Variants in CYP51A1 observed in about 807,000 individuals in gnomAD.
CYP51A1 encodes the protein cytochrome P450 family 51 subfamily A member 1.
A neutral mutation model predicts 53.5 loss-of-function variants in CYP51A1; 45 were observed. The ratio of observed to expected loss-of-function variants is 0.84; its 90% CI spans 0.66 to 1.08. The LOEUF is 1.08. CYP51A1 is among the 50% of genes least tolerant of loss of function. CYP51A1 has a pLI of 0.00. For synonymous variants in CYP51A1, 181 were observed against 217.7 expected (o/e 0.83, Z 1.48); for missense variants, 462 against 621.7 (o/e 0.74, Z 2.73).
At chr7:92,121,693 G>C (rs1819696667) in intron 7 of CYP51A1, among the ~76,000 whole-genome samples, 1 of 152,168 alleles carries the variant, frequency 6.6e-6, no homozygotes, top group Non-Finnish European at 1.5e-5. Context: ...CTGATAACAT[G>C]CTAAGTGAAA....
intron 3 of CYP51A1, among the ~76,000 whole-genome samples, chr7:92,128,528 G>A (rs1337053053): frequency 1.3e-5 from 2 of 151,680 alleles, no homozygotes; most frequent in Non-Finnish European, 2.9e-5. Flanking sequence ...CTGTTGCCAA[G>A]GCTAAAGTGC....
intron 6 of CYP51A1, 63 bp from the exon 7 acceptor site, chr7:92,123,378 T>C: frequency 1.6e-6 from 2 of 1,287,160 alleles, no homozygotes; most frequent in Middle Eastern, 3.8e-4. Flanking sequence ...GCCTCAACCT[T>C]TAAATAAAGT....
chr7:92,126,150 G>T (rs1819795640), intron 5 of CYP51A1, 103 bp downstream of exon 5: 1 of 775,536 alleles, frequency 1.3e-6, no homozygotes. Flanking sequence ...CATTTTGTAT[G>T]TTTTACTTGT....
chr7:92,127,756 T>C, intron 3 of CYP51A1, 125 bp from the exon 4 acceptor site: 1 of 946,120 alleles, frequency 1.1e-6, no homozygotes, highest in South Asian at 1.6e-5. Flanking sequence ...TTTGGGCATT[T>C]ACATTTTAAG....
intron 4 of CYP51A1, 77 bp downstream of exon 4, chr7:92,127,428 C>T (rs1819821697): frequency 7.4e-7 from 1 of 1,356,658 alleles, no homozygotes; most frequent in Non-Finnish European, 1.0e-6. Flanking sequence ...TTTTTATATA[C>T]TACACACATA....
In CYP51A1 at chr7:92,123,742, A is replaced by G. The variant is rs1166704169; in HGVS notation, c.882T>C (p.Ala294=). 6 of 1,607,056 alleles carry G rather than the reference A, an allele frequency of 3.7e-6. No homozygotes were observed. The highest frequency in any genetic ancestry group is 2.2e-5 in the South Asian group (2 of 90,006). The change falls in exon 6 of 10, where the codon GCT becomes GCC. Residue 294 remains alanine, a synonymous_variant. Coordinates refer to ENST00000003100, the MANE Select transcript of CYP51A1 (RefSeq NM_000786.4). The part of the protein sequence containing the change: ...IDDILQTLLD[A]TYKDGRPLTD... ...ATCTGAATAGCTCTTACTTGTATGTAGCATCTAGTAAAGTTTGGAGAATGT... is the reference window on the plus strand; with the variant it reads ...ATCTGAATAGCTCTTACTTGTATGTGGCATCTAGTAAAGTTTGGAGAATGT...
intron 8 of CYP51A1, among the ~76,000 whole-genome samples, chr7:92,117,791 C>A (rs1819607471): frequency 6.6e-6 from 1 of 152,048 alleles, no homozygotes; most frequent in Non-Finnish European, 1.5e-5. Context: ...AGTTCGAGAT[C>A]AGCCTGACCA....
At chr7:92,123,679 GTTTTAATGTGTAA>G in intron 6 of CYP51A1, 42 bp downstream of exon 6, 1 of 1,500,430 alleles carries the variant, frequency 6.7e-7, no homozygotes, top group Non-Finnish European at 9.0e-7. Flanking sequence ...ATTTAACTGT[GTTTTAATGTGTAA>G]TTTCCTGCTT....
chr7:92,121,880 A>T (rs1358080326), intron 7 of CYP51A1, among the ~76,000 whole-genome samples: 1 of 152,222 alleles, frequency 6.6e-6, no homozygotes, highest in African/African-American at 2.4e-5. Flanking sequence ...AAATGTTCTA[A>T]AATTAAATTA....
chr7:92,134,499 G>C, upstream of CYP51A1: 5 of 927,764 alleles, frequency 5.4e-6, no homozygotes, highest in South Asian at 8.9e-5. Flanking sequence ...CACCCCTCGG[G>C]TCCCACGCGC....
intron 2 of CYP51A1, among the ~76,000 whole-genome samples, chr7:92,129,947 G>C (rs763230590): frequency 6.6e-6 from 1 of 152,082 alleles, no homozygotes; most frequent in Non-Finnish European, 1.5e-5. Context: ...TTGAGCATTA[G>C]GCAGTGCTAG....
At chr7:92,116,535 T>G (rs1200479884) in intron 9 of CYP51A1, among the ~76,000 whole-genome samples, 2 of 152,204 alleles carry the variant, frequency 1.3e-5, no homozygotes, top group African/African-American at 2.4e-5. Context: ...TTTAGGATCT[T>G]ACTGGAAATG....
intron 3 of CYP51A1, 48 bp downstream of exon 3, chr7:92,128,832 C>T: frequency 6.8e-7 from 1 of 1,470,280 alleles, no homozygotes; most frequent in Middle Eastern, 2.5e-4. Context: ...TTAGCTATAA[C>T]TACTGAGGTA....
Position 92,131,745 on chromosome 7 carries a change from T to C in CYP51A1, c.291+29A>G, listed in dbSNP as rs751864331. 2.4e-6 allele frequency: 3 copies of C among 1,225,878 alleles called. No homozygotes were observed. In the South Asian group the frequency reaches 4.0e-5, roughly 16 times the overall value. 75.9% of individuals were successfully genotyped at this position (1,225,878 alleles called of 1,614,324 possible). On this transcript the variant is annotated intron_variant, in intron 2 of 9. Coordinates refer to ENST00000003100, the MANE Select transcript of CYP51A1 (RefSeq NM_000786.4). ...AAGCACTTCTCTAGTTGTTTTTTTT[T>C]TTTTCCTCTAATTATTTGGAAGACT... is the stretch of plus-strand genomic sequence containing the variant.
intron 2 of CYP51A1, 38 bp downstream of exon 2, chr7:92,131,736 G>GTTTT (rs71292987): frequency 1.0e-4 from 87 of 873,436 alleles, no homozygotes; most frequent in African/African-American, 7.5e-4. Flanking sequence ...TTCTCTAGTT[G>GTTTT]TTTTTTTTTT....
At chr7:92,130,655 A>AG (rs1397406341) in intron 2 of CYP51A1, among the ~76,000 whole-genome samples, 2 of 152,236 alleles carry the variant, frequency 1.3e-5, no homozygotes, top group African/African-American at 4.8e-5. Context: ...TAGGATTACT[A>AG]TATAAATACA....
chr7:92,129,109 G>C, intron 2 of CYP51A1, 53 bp from the exon 3 acceptor site: 1 of 1,107,776 alleles, frequency 9.0e-7, no homozygotes, highest in Non-Finnish European at 1.3e-6. Flanking sequence ...GCAACACTAC[G>C]ACAGTAACTT....
chr7:92,118,655 T>C lies in CYP51A1; in HGVS notation c.1087-40A>G, dbSNP rs778168539. On this transcript the variant is annotated intron_variant, in intron 7 of 9. Coordinates refer to ENST00000003100, the MANE Select transcript of CYP51A1 (RefSeq NM_000786.4). ...CATTTCCTGATTGTTATAAATAACA[T>C]ACTTCAACAGTACAAAAAATTAGTT... The C allele has an allele frequency of 2.6e-6, 3 of 1,134,462 alleles. No individual in the cohort carries two copies. In the African/African-American group the frequency reaches 4.6e-5, roughly 17 times the overall value. 70.3% of individuals were successfully genotyped at this position (1,134,462 alleles called of 1,614,324 possible).
At chr7:92,119,788 A>AT (rs1563178186) in intron 7 of CYP51A1, among the ~76,000 whole-genome samples, 1 of 152,202 alleles carries the variant, frequency 6.6e-6, no homozygotes, top group Non-Finnish European at 1.5e-5. Context: ...ACTATCCATG[A>AT]AGAAGCCCAG....
Sources: allele counts gnomAD v4.1 joint callset (sites outside exome capture counted in the v4.1 genomes callset), GRCh38; gene constraint gnomAD v4.1.1; transcripts MANE v1.5; gene names NCBI Gene and HGNC (gene_info 2026-07-23, HGNC 2026-07-21).